The following SORCS3 variants were observed in gnomAD, a reference collection of about 807,000 sequenced individuals.
SORCS3 encodes VPS10 domain-containing receptor SorCS3.
In SORCS3, 57 loss-of-function variants were observed where a neutral mutation model predicts 146.3. The ratio of observed to expected loss-of-function variants is 0.39; its 90% confidence interval spans 0.31 to 0.49. The LOEUF is 0.49. SORCS3 is among the 20% of genes least tolerant of loss of function. The probability of loss-of-function intolerance (pLI) is 0.92; values close to 1 mark genes in which losing one functional copy is unlikely to be tolerated. For missense variants in SORCS3, 1,341 were observed against 1,575.5 expected (o/e 0.85, Z 2.52); for synonymous variants, 653 against 618.5 (o/e 1.06, Z -0.83).
At chr10:104,952,598 C>T (rs2019444019) in intron 3 of SORCS3, among the ~76,000 whole-genome samples, 3 of 152,164 alleles carry the variant, frequency 2.0e-5, no homozygotes, top group Admixed American at 2.0e-4. Context: ...TGTACAGGAA[C>T]AAATGAAAGT....
At chr10:105,215,412 AT>A (rs886136888) in intron 18 of SORCS3, among the ~76,000 whole-genome samples, 12 of 151,942 alleles carry the variant, frequency 7.9e-5, no homozygotes, top group Middle Eastern at 3.2e-3. Context: ...GCCAGGAGTC[AT>A]TTTTTTTCAC....
intron 1 of SORCS3, among the ~76,000 whole-genome samples, chr10:104,748,217 A>T (rs771938433): frequency 2.0e-5 from 3 of 152,164 alleles, no homozygotes; most frequent in Non-Finnish European, 2.9e-5. Flanking sequence ...TGATGGCATG[A>T]TTCTATAATC....
intron 25 of SORCS3, 152 bp downstream of exon 25, chr10:105,257,076 A>G: frequency 1.5e-6 from 1 of 655,420 alleles, no homozygotes; most frequent in East Asian, 2.7e-5. Context: ...AGAATGGTTG[A>G]GGGTCATGGA....
chr10:104,866,489 G>A (rs771420403), intron 2 of SORCS3, among the ~76,000 whole-genome samples: 1 of 152,126 alleles, frequency 6.6e-6, no homozygotes, highest in African/African-American at 2.4e-5. Flanking sequence ...TCCTTAGGCT[G>A]TGTGAAAGAG....
chr10:104,737,464 G>T (rs1191235002), intron 1 of SORCS3, among the ~76,000 whole-genome samples: 2 of 152,210 alleles, frequency 1.3e-5, no homozygotes, highest in African/African-American at 2.4e-5. Flanking sequence ...TTTTACTGAT[G>T]GCCATTCTAA....
intron 7 of SORCS3, among the ~76,000 whole-genome samples, chr10:105,133,018 A>G (rs1028412151): frequency 6.6e-6 from 1 of 152,240 alleles, no homozygotes; most frequent in African/African-American, 2.4e-5. Context: ...CCACAGGATC[A>G]CAGAGAAGCA....
intron 4 of SORCS3, among the ~76,000 whole-genome samples, chr10:104,998,299 C>G (rs73334050): frequency 0.075 from 11,368 of 152,078 alleles, 472 homozygotes; most frequent in African/African-American, 0.1. Flanking sequence ...TAACCTCTCT[C>G]AACCTGCCTC....
intron 1 of SORCS3, among the ~76,000 whole-genome samples, chr10:104,812,054 C>T (rs1180717335): frequency 6.6e-6 from 1 of 151,914 alleles, no homozygotes; most frequent in Non-Finnish European, 1.5e-5. Context: ...ATGGAAATGC[C>T]AAAGAGAAAA....
chr10:104,789,927 G>A (rs12569382), intron 1 of SORCS3, among the ~76,000 whole-genome samples: 22 of 152,176 alleles, frequency 1.4e-4, no homozygotes, highest in Non-Finnish European at 2.8e-4. Context: ...GGATAATTCA[G>A]GACTTTCTCT....
intron 3 of SORCS3, among the ~76,000 whole-genome samples, chr10:104,975,026 C>A (rs1207228433): frequency 6.6e-6 from 1 of 152,096 alleles, no homozygotes; most frequent in African/African-American, 2.4e-5. Context: ...TATTGGCCCC[C>A]ACTCTCTTCT....
At chr10:104,767,474 A>G (rs1051933670) in intron 1 of SORCS3, among the ~76,000 whole-genome samples, 2 of 152,144 alleles carry the variant, frequency 1.3e-5, no homozygotes, top group South Asian at 2.1e-4. Context: ...TGTAATGCTG[A>G]TTCCAGAGGA....
chr10:105,038,118 A>C (rs2055317882), intron 4 of SORCS3, among the ~76,000 whole-genome samples: 1 of 152,200 alleles, frequency 6.6e-6, no homozygotes, highest in Non-Finnish European at 1.5e-5. Flanking sequence ...GAAAGAAGGG[A>C]AAGGAGAGGA....
chr10:105,256,872 T>C lies in SORCS3; in HGVS notation c.3391T>C (p.Leu1131=), dbSNP rs1244239870. ...CAGCAGCTCAGCCATGCTTATGCTA[T>C]TATCAGTGGTATTTGTTGGCCTGGC... ...GHSSSAMLML[L]SVVFVGLAVF... Residue 1131 remains leucine, a synonymous_variant, in exon 25 of 27, where the codon TTA becomes CTA. Transcript: ENST00000369701. 2 of 1,614,218 alleles carry C rather than the reference T, an allele frequency of 1.2e-6. No homozygotes were observed. Among genetic ancestry groups the C allele is most frequent in the Non-Finnish European group, 1.7e-6 (2 of 1,180,030 alleles).
At chr10:104,956,106 G>T (rs1257989485) in intron 3 of SORCS3, among the ~76,000 whole-genome samples, 2 of 152,136 alleles carry the variant, frequency 1.3e-5, no homozygotes, top group Admixed American at 1.3e-4. Context: ...CAATGGTAAC[G>T]TGGGATATTT....
intron 8 of SORCS3, among the ~76,000 whole-genome samples, chr10:105,146,256 A>G (rs1184259754): frequency 1.3e-5 from 2 of 152,126 alleles, no homozygotes; most frequent in East Asian, 3.9e-4. Flanking sequence ...TAATCTTTGT[A>G]CAGTGCCTAC....
chr10:104,760,862 A>G (rs906020414), intron 1 of SORCS3, among the ~76,000 whole-genome samples: 3 of 151,968 alleles, frequency 2.0e-5, no homozygotes, highest in Non-Finnish European at 4.4e-5. Flanking sequence ...GTAAAAATAC[A>G]TGCTCTTAAC....
At chr10:105,037,184 G>C (rs188241167) in intron 4 of SORCS3, among the ~76,000 whole-genome samples, 1 of 152,182 alleles carries the variant, frequency 6.6e-6, no homozygotes, top group East Asian at 1.9e-4. Flanking sequence ...GGCAAATGAG[G>C]GTTTAACTTC....
At chr10:104,849,411 CAAAAAAAAAAAAAAA>C (rs10591862) in intron 2 of SORCS3, among the ~76,000 whole-genome samples, 4 of 78,034 alleles carry the variant, frequency 5.1e-5, no homozygotes, top group Admixed American at 1.6e-4. Context: ...GACTCCATCT[CAAAAAAAAAAAAAAA>C]AAAAAAAAAA....
intron 1 of SORCS3, among the ~76,000 whole-genome samples, chr10:104,685,077 A>G (rs1285804844): frequency 6.6e-6 from 1 of 151,926 alleles, no homozygotes; most frequent in Non-Finnish European, 1.5e-5. Flanking sequence ...CTTGGCCTCC[A>G]AAAGTGCTGG....
Sources: allele counts gnomAD v4.1 joint callset (sites outside exome capture counted in the v4.1 genomes callset), GRCh38; gene constraint gnomAD v4.1.1; transcripts MANE v1.5; gene names NCBI Gene and HGNC (gene_info 2026-07-23, HGNC 2026-07-21).